Variants in TRIT1 observed in about 807,000 individuals in gnomAD.
TRIT1 encodes tRNA isopentenyltransferase 1.
TRIT1 carries 43 observed loss-of-function variants against 51.2 expected under a neutral mutation model. The observed-to-expected ratio is 0.84, with a 90% confidence interval of 0.66 to 1.08. TRIT1 has a LOEUF of 1.08. Among genes scored for constraint, TRIT1 ranks in the 50% least tolerant of loss-of-function variants. The pLI is 0.00. For missense variants in TRIT1, 528 were observed against 578.4 expected, an observed-to-expected ratio of 0.91 and a Z score of 0.89; for synonymous variants, 184 against 203.9, an observed-to-expected ratio of 0.90 and a Z score of 0.83.
intron 8 of TRIT1, among the ~76,000 whole-genome samples, chr1:39,845,447 T>C (rs535712034): frequency 5.2e-4 from 80 of 152,382 alleles, no homozygotes; most frequent in African/African-American, 1.7e-3. Flanking sequence ...GCATCGCCCA[T>C]GGGCAAAAAC....
intron 1 of TRIT1, among the ~76,000 whole-genome samples, chr1:39,867,154 T>C (rs1487517966): frequency 2.0e-5 from 3 of 152,212 alleles, no homozygotes; most frequent in African/African-American, 7.2e-5. Context: ...TTTCTTCTTT[T>C]GTTTTTTTGA....
chr1:39,851,734 G>A (rs747422530), intron 4 of TRIT1, among the ~76,000 whole-genome samples: 11 of 152,058 alleles, frequency 7.2e-5, no homozygotes, highest in Admixed American at 2.6e-4. Flanking sequence ...CTTGAGCCTA[G>A]GAGTTTGGAA....
intron 3 of TRIT1, among the ~76,000 whole-genome samples, chr1:39,853,285 TATAC>T: frequency 1.3e-5 from 2 of 152,338 alleles, no homozygotes; most frequent in Admixed American, 1.3e-4. Context: ...ATCTCCCTAA[TATAC>T]ATACTGTGCT....
rs560224899 is a variant in TRIT1 at position 39,841,332 on chromosome 1, C to T, written c.*412G>A. On this transcript the variant is annotated 3_prime_UTR_variant, in exon 11 of 11. Transcript: ENST00000316891. The stretch of plus-strand genomic sequence containing the variant: ...TGTGGCTCACAAATACTTCAGTCAT[C>T]TACAAAAGCATCTGGAAATTAGATA... 1 of 154,002 alleles carries T rather than the reference C, an allele frequency of 6.5e-6. No homozygotes were observed. The highest frequency in any genetic ancestry group is 2.4e-5 in the African/African-American group (1 of 41,624). 9.5% of individuals were successfully genotyped at this position (154,002 alleles called of 1,614,324 possible). A position where few individuals can be genotyped will look rare whatever the true frequency, so the allele number is the denominator to read the frequency against.
At chr1:39,847,413 G>T in intron 7 of TRIT1, 116 bp from the exon 8 acceptor site, 1 of 1,424,750 alleles carries the variant, frequency 7.0e-7, no homozygotes, top group Non-Finnish European at 9.8e-7. Flanking sequence ...TGTCAGACTT[G>T]GTGGACAAAA....
chr1:39,874,512 C>T (rs1463685860), intron 1 of TRIT1, among the ~76,000 whole-genome samples: 1 of 152,070 alleles, frequency 6.6e-6, no homozygotes, highest in African/African-American at 2.4e-5. Flanking sequence ...TATGTAATAA[C>T]ATATACACAC....
chr1:39,883,229 C>G, intron 1 of TRIT1, 89 bp downstream of exon 1: 1 of 1,426,244 alleles, frequency 7.0e-7, no homozygotes, highest in Non-Finnish European at 9.5e-7. Context: ...CCCTACAAGC[C>G]TCGGGGTTCA....
chr1:39,856,131 C>T (rs1022739507), intron 2 of TRIT1, among the ~76,000 whole-genome samples: 7 of 152,028 alleles, frequency 4.6e-5, no homozygotes, highest in Non-Finnish European at 1.0e-4. Flanking sequence ...ATGGTGAAAC[C>T]CCGTCTCTAC....
chr1:39,883,439 C>G lies in TRIT1; in HGVS notation c.53G>C (p.Gly18Ala). The change falls in exon 1 of 11, where the codon GGC (glycine) becomes GCC (alanine). Residue 18 changes from glycine (G) to alanine (A), a missense_variant. Transcript: ENST00000316891. The stretch of plus-strand genomic sequence containing the variant: ...TACAAGAGGTAGGGTCCGTTGCAGG[C>G]CCCTGAGCCCACTGCCCACGGGAAC... ...RAVPVGSGLR[G>A]LQRTLPLVVI... 1 of 1,610,936 alleles carries G rather than the reference C, an allele frequency of 6.2e-7. No individual in the cohort carries two copies. Among genetic ancestry groups the G allele is most frequent in the Non-Finnish European group, 8.5e-7 (1 of 1,177,530 alleles).
intron 1 of TRIT1, among the ~76,000 whole-genome samples, chr1:39,866,022 G>GAAAGA (rs148250913): frequency 0.012 from 1,723 of 144,506 alleles, 27 homozygotes; most frequent in African/African-American, 0.041. Flanking sequence ...GAAAAGAAAA[G>GAAAGA]AAAGAAAAGA....
Position 39,841,920 on chromosome 1 carries a change from A to T in TRIT1, c.1235-7T>A. ...GATTTGGATTTTATGTGCGCTGATA[A>T]GACAAAATCAAACCAAACAAACAAA... On this transcript the variant is annotated splice_region_variant and splice_polypyrimidine_tract_variant and intron_variant, in intron 10 of 10. Coordinates refer to ENST00000316891, the MANE Select transcript of TRIT1 (RefSeq NM_017646.6). 1.3e-6 allele frequency: 2 copies of T among 1,594,520 alleles called. No homozygotes were observed. The highest frequency in any genetic ancestry group is 1.7e-6 in the Non-Finnish European group (2 of 1,173,842).
intron 1 of TRIT1, 48 bp downstream of exon 1, chr1:39,883,270 C>T: frequency 1.3e-6 from 2 of 1,563,294 alleles, no homozygotes; most frequent in African/African-American, 2.7e-5. Flanking sequence ...AGGGTGTCCA[C>T]GCGGCCTCCG....
intron 1 of TRIT1, among the ~76,000 whole-genome samples, chr1:39,870,641 C>T (rs1643847205): frequency 2.1e-5 from 3 of 145,698 alleles, no homozygotes; most frequent in East Asian, 2.0e-4. Flanking sequence ...CCTGACAATA[C>T]CAAATGCTGG....
Position 39,844,527 on chromosome 1 carries a change from T to C in TRIT1, c.1116+4A>G, listed in dbSNP as rs748805381. The C allele has an allele frequency of 7.5e-6, 12 of 1,608,990 alleles. No individual in the cohort carries two copies. The highest frequency in any genetic ancestry group is 1.0e-5 in the Non-Finnish European group (12 of 1,175,364). ...AAATAGAATGTATCATGATTCATAATTACCTGGATGAAACTTTGCACGATT... is the reference window on the plus strand; with the variant it reads ...AAATAGAATGTATCATGATTCATAACTACCTGGATGAAACTTTGCACGATT... On this transcript the variant is annotated splice_donor_region_variant and intron_variant, in intron 9 of 10. Transcript: ENST00000316891.
chr1:39,862,895 A>C, intron 1 of TRIT1: 1 of 985,354 alleles, frequency 1.0e-6, no homozygotes, highest in Admixed American at 6.1e-5. Context: ...ACAGCATGCC[A>C]CTCTGCTCCA....
chr1:39,871,656 T>C (rs1045147484), intron 1 of TRIT1, among the ~76,000 whole-genome samples: 3 of 152,174 alleles, frequency 2.0e-5, no homozygotes, highest in Non-Finnish European at 2.9e-5. Context: ...AGGCTACATA[T>C]TGTATGATTA....
At chr1:39,856,997 G>A (rs758564398) in intron 2 of TRIT1, among the ~76,000 whole-genome samples, 2 of 152,120 alleles carry the variant, frequency 1.3e-5, no homozygotes, top group African/African-American at 4.8e-5. Flanking sequence ...GGGGACTCCC[G>A]TTATAATGCA....
chr1:39,862,582 G>C (rs548764153), intron 1 of TRIT1, among the ~76,000 whole-genome samples: 1 of 152,264 alleles, frequency 6.6e-6, no homozygotes, highest in East Asian at 1.9e-4. Context: ...GCACAGTTAA[G>C]AAGCAAAAAC....
chr1:39,880,922 A>C (rs1644241314), intron 1 of TRIT1, among the ~76,000 whole-genome samples: 1 of 152,060 alleles, frequency 6.6e-6, no homozygotes, highest in Admixed American at 6.5e-5. Flanking sequence ...TAACCTACTT[A>C]AAAACAGATG....
Sources: gnomAD v4.1 joint callset for allele counts (sites outside exome capture counted in the v4.1 genomes callset) on GRCh38, gnomAD v4.1.1 for gene constraint, MANE v1.5 for transcripts, NCBI Gene and HGNC (gene_info 2026-07-23, HGNC 2026-07-21) for gene names.